The following NLGN1 variants were observed in gnomAD, a reference collection of about 807,000 sequenced individuals.
NLGN1 encodes the protein neuroligin 1.
A neutral mutation model predicts 65.5 loss-of-function variants in NLGN1; 12 were observed. The observed-to-expected ratio is 0.18, with a 90% CI of 0.12 to 0.30. NLGN1 has a LOEUF of 0.30. Ranked by LOEUF, NLGN1 falls within the 10% of genes least tolerant of loss-of-function variation. NLGN1 has a pLI of 1.00. For synonymous variants in NLGN1, 350 were observed against 359.5 expected (o/e 0.97, Z 0.30); for missense variants, 750 against 1,007.1 (o/e 0.74, Z 3.46).
intron 3 of NLGN1, among the ~76,000 whole-genome samples, chr3:173,667,393 G>A (rs1239638873): frequency 1.3e-5 from 2 of 151,922 alleles, no homozygotes; most frequent in East Asian, 3.9e-4. Flanking sequence ...TTTTGGACTT[G>A]AAGAAAAATG....
At chr3:173,526,029 A>G (rs891196000) in intron 2 of NLGN1, among the ~76,000 whole-genome samples, 9 of 152,094 alleles carry the variant, frequency 5.9e-5, no homozygotes, top group African/African-American at 1.9e-4. Context: ...AATATGCTCA[A>G]TTTTGGAAAA....
intron 3 of NLGN1, among the ~76,000 whole-genome samples, chr3:173,669,383 G>A (rs1022314528): frequency 6.6e-6 from 1 of 152,216 alleles, no homozygotes; most frequent in Admixed American, 6.5e-5. Context: ...GCAGGGCCAT[G>A]CTCCCTTTGA....
At chr3:174,096,309 C>T (rs1005301604) in intron 4 of NLGN1, among the ~76,000 whole-genome samples, 9 of 151,472 alleles carry the variant, frequency 5.9e-5, no homozygotes, top group Middle Eastern at 3.5e-3. Flanking sequence ...ACTGGATTGT[C>T]TCCTCCATCT....
chr3:173,826,641 A>C (rs1045882297), intron 4 of NLGN1, among the ~76,000 whole-genome samples: 1 of 152,118 alleles, frequency 6.6e-6, no homozygotes, highest in African/African-American at 2.4e-5. Context: ...ATGATGATTC[A>C]TTCGGTTGAA....
intron 4 of NLGN1, among the ~76,000 whole-genome samples, chr3:173,843,616 T>C (rs2129934): frequency 0.84 from 127,191 of 152,164 alleles, 53,613 homozygotes; most frequent in African/African-American, 0.88. Context: ...AGCCTCTTTG[T>C]TAAAACATAA....
intron 4 of NLGN1, among the ~76,000 whole-genome samples, chr3:173,924,190 T>C (rs1488128856): frequency 6.6e-6 from 1 of 152,116 alleles, no homozygotes; most frequent in Non-Finnish European, 1.5e-5. Flanking sequence ...ATATCAATAA[T>C]AATTTTACAA....
intron 3 of NLGN1, among the ~76,000 whole-genome samples, chr3:173,690,543 T>C (rs550479483): frequency 1.3e-5 from 2 of 152,292 alleles, no homozygotes; most frequent in South Asian, 4.1e-4. Context: ...ACTATAAATA[T>C]GTATAGTGCT....
chr3:174,273,310 C>T (rs539695566), intron 4 of NLGN1, among the ~76,000 whole-genome samples: 24 of 151,748 alleles, frequency 1.6e-4, no homozygotes, highest in South Asian at 4.1e-4. Context: ...CTCTCTCACA[C>T]GCACATATCC....
intron 3 of NLGN1, among the ~76,000 whole-genome samples, chr3:173,622,393 C>A (rs548537122): frequency 6.6e-6 from 1 of 151,988 alleles, no homozygotes; most frequent in Non-Finnish European, 1.5e-5. Flanking sequence ...GAGACTCATA[C>A]ACCTAGATCA....
At chr3:174,119,926 T>G (rs1717388400) in intron 4 of NLGN1, among the ~76,000 whole-genome samples, 1 of 152,264 alleles carries the variant, frequency 6.6e-6, no homozygotes, top group Non-Finnish European at 1.5e-5. Flanking sequence ...ATCTTTGTTT[T>G]TAAGAGGAGC....
At chr3:174,270,055 T>C (rs143581765) in intron 4 of NLGN1, among the ~76,000 whole-genome samples, 3,318 of 151,684 alleles carry the variant, frequency 0.022, 38 homozygotes, top group Middle Eastern at 0.044. Flanking sequence ...GTTGTAAAAA[T>C]TTCTGGATAT....
intron 3 of NLGN1, among the ~76,000 whole-genome samples, chr3:173,779,552 A>T (rs1022453668): frequency 1.3e-5 from 2 of 152,114 alleles, no homozygotes; most frequent in African/African-American, 4.8e-5. Flanking sequence ...AACCTCAGAT[A>T]TAAAGATAAA....
chr3:173,557,034 A>AT (rs57801825), intron 2 of NLGN1, among the ~76,000 whole-genome samples: 3 of 151,618 alleles, frequency 2.0e-5, no homozygotes, highest in Admixed American at 6.6e-5. Flanking sequence ...AGGCATACTG[A>AT]TTTTTTTTGT....
chr3:173,657,911 T>C (rs1015238105), intron 3 of NLGN1, among the ~76,000 whole-genome samples: 16 of 151,952 alleles, frequency 1.1e-4, no homozygotes, highest in Admixed American at 3.9e-4. Context: ...CTGATGAATG[T>C]GACAAGTTTA....
At chr3:174,119,731 A>T (rs1422671051) in intron 4 of NLGN1, among the ~76,000 whole-genome samples, 2 of 152,220 alleles carry the variant, frequency 1.3e-5, no homozygotes, top group Non-Finnish European at 2.9e-5. Flanking sequence ...CCATCACTTT[A>T]AGATTTACCT....
intron 4 of NLGN1, among the ~76,000 whole-genome samples, chr3:173,995,201 A>G (rs950202184): frequency 2.0e-5 from 3 of 152,204 alleles, no homozygotes; most frequent in African/African-American, 7.2e-5. Context: ...GAAACCTAAG[A>G]GCCAAAATTC....
At chr3:174,117,624 G>T (rs907635650) in intron 4 of NLGN1, among the ~76,000 whole-genome samples, 14 of 151,262 alleles carry the variant, frequency 9.3e-5, no homozygotes, top group South Asian at 2.1e-4. Flanking sequence ...AAAAAAGGAA[G>T]AAAAATCACT....
intron 2 of NLGN1, among the ~76,000 whole-genome samples, chr3:173,509,055 G>A (rs929448646): frequency 2.0e-5 from 3 of 152,094 alleles, no homozygotes; most frequent in African/African-American, 7.2e-5. Context: ...GGCACCTCTA[G>A]AATACATACA....
rs759760720 is a variant in NLGN1, at chr3:173,604,802, A to G, written c.204A>G (p.Glu68=). Residue 68 remains glutamate, a synonymous_variant, in exon 3 of 7, where the codon GAA becomes GAG. Coordinates refer to ENST00000457714, the Ensembl canonical transcript of NLGN1. ...GAAAGATAAGAGGGATTAAGAAGGA[A>G]CTCAATAATGAAATTTTGGGGCCTG... 9.3e-6 allele frequency: 15 copies of G among 1,613,544 alleles called. No individual in the cohort carries two copies. The Admixed American group carries it at 2.3e-4, about 25-fold the overall frequency.
Sources: allele counts gnomAD v4.1 joint callset (sites outside exome capture counted in the v4.1 genomes callset), GRCh38; gene constraint gnomAD v4.1.1; transcripts MANE v1.5; gene names NCBI Gene and HGNC (gene_info 2026-07-23, HGNC 2026-07-21).